The following CLK1 variants were observed in gnomAD, a reference collection of about 807,000 sequenced individuals.
The protein encoded by CLK1 is dual specificity protein kinase CLK1.
In CLK1, 40 loss-of-function variants were observed where a neutral mutation model predicts 60.9. The observed-to-expected ratio is 0.66, with a 90% CI of 0.51 to 0.86. The LOEUF (loss-of-function observed/expected upper bound fraction) is 0.86, where lower values mean the gene tolerates loss of function less well. Ranked by LOEUF, CLK1 falls within the 40% of genes least tolerant of loss-of-function variation. CLK1 has a pLI of 0.00. For missense variants in CLK1, 563 were observed against 606.1 expected, an observed-to-expected ratio of 0.93 and a Z score of 0.75; for synonymous variants, 203 against 184.4, an observed-to-expected ratio of 1.10 and a Z score of -0.82.
intron 10 of CLK1, 123 bp from the exon 11 acceptor site, chr2:200,854,818 G>A: frequency 2.4e-6 from 2 of 818,622 alleles, no homozygotes; most frequent in African/African-American, 1.7e-5. Context: ...TCCCTACATG[G>A]ACACGGATAA....
chr2:200,857,097 G>C (rs938069951), intron 7 of CLK1, 112 bp from the exon 8 acceptor site: 14 of 802,228 alleles, frequency 1.7e-5, no homozygotes, highest in Admixed American at 6.6e-5. Context: ...CCTGAGGTCA[G>C]GAGTTCGAGA....
Position 200,860,029 on chromosome 2 carries a change from GAGAA to G in CLK1, c.481+92_481+95del, listed in dbSNP as rs2039110357. 7.3e-5 allele frequency: 109 copies of G among 1,499,496 alleles called. 2 individuals are homozygous for G. The South Asian group carries it at 1.4e-3, about 19-fold the overall frequency. 92.9% of individuals were successfully genotyped at this position (1,499,496 alleles called of 1,614,324 possible). On this transcript the variant is annotated intron_variant, in intron 4 of 12. Coordinates refer to ENST00000321356, the MANE Select transcript of CLK1 (RefSeq NM_004071.4). Reference sequence around the variant, plus strand: ...GGAAAAATAAAACAAAAACAAAAAAGAGAAAGAAAAAAAGATTTCCAAATCCCTG... The same window carrying G: ...GGAAAAATAAAACAAAAACAAAAAAGAGAAAAAAAGATTTCCAAATCCCTG...
At position 200,858,098 on chromosome 2, in the gene CLK1, A is replaced by G; in HGVS notation, c.549-9T>C. 6.5e-7 allele frequency: 1 copy of G among 1,541,440 alleles called. No individual in the cohort carries two copies. Among genetic ancestry groups the G allele is most frequent in the Non-Finnish European group, 9.0e-7 (1 of 1,113,786 alleles). On this transcript the variant is annotated splice_polypyrimidine_tract_variant and intron_variant, in intron 5 of 12. Coordinates refer to ENST00000321356, the MANE Select transcript of CLK1 (RefSeq NM_004071.4). ...CTACATGTCTACCTCCCCTGTTAGA[A>G]AGATGCATGCAAATTTAAGAATGAC...
intron 5 of CLK1, 34 bp from the exon 6 acceptor site, chr2:200,858,123 C>CCT: frequency 1.3e-5 from 17 of 1,312,390 alleles, no homozygotes; most frequent in Non-Finnish European, 1.9e-5. Context: ...TTAAGAATGA[C>CCT]AGACATGATG....
intron 7 of CLK1, chr2:200,857,469 A>C (rs1214924347): frequency 1.4e-5 from 5 of 350,566 alleles, no homozygotes; most frequent in Non-Finnish European, 2.6e-5. Flanking sequence ...ATTCGAAGTT[A>C]CTATTTTTGC....
chr2:200,864,454 G>A, intron 1 of CLK1, 110 bp downstream of exon 1: 1 of 531,380 alleles, frequency 1.9e-6, no homozygotes, highest in Non-Finnish European at 3.1e-6. Flanking sequence ...GGCAGTCGTC[G>A]CGCCGGGGAC....
At chr2:200,858,732 C>T (rs2039084012) in intron 5 of CLK1, among the ~76,000 whole-genome samples, 1 of 151,546 alleles carries the variant, frequency 6.6e-6, no homozygotes, top group East Asian at 1.9e-4. Flanking sequence ...AGAGCTCTAG[C>T]TCTCATGTCC....
At chr2:200,864,157 A>G (rs1442328452) in intron 1 of CLK1, 1 of 1,551,198 alleles carries the variant, frequency 6.4e-7, no homozygotes, top group Non-Finnish European at 8.7e-7. Flanking sequence ...AACCCCAGCA[A>G]ATCCCCCCTC....
chr2:200,861,075 T>C (rs1047858441), intron 3 of CLK1, 163 bp downstream of exon 3: 89 of 1,423,448 alleles, frequency 6.3e-5, no homozygotes, highest in Non-Finnish European at 7.9e-5. Context: ...GTACTTTATT[T>C]CCGGAATTTC....
chr2:200,860,166 CCCT>C lies in CLK1; in HGVS notation c.437_439del (p.Glu146del). On this transcript the variant is annotated inframe_deletion, in exon 4 of 13. Transcript: ENST00000321356. ...GTCTCCACTCTGACAGATCAGGTGA[CCCT>C]CCTCATCATCCTCTACACTCCTGGT... The C allele has an allele frequency of 1.9e-6, 3 of 1,614,066 alleles. No individual in the cohort carries two copies. The highest frequency in any genetic ancestry group is 3.3e-5 in the Admixed American group (2 of 60,008).
In CLK1 at chr2:200,856,921, AG is replaced by A. The variant is rs1559326780; in HGVS notation, c.896del (p.Ser299LeufsTer11). On this transcript the variant is annotated frameshift_variant, in exon 8 of 13. Transcript: ENST00000321356. LOFTEE classifies it high-confidence loss of function. ...LKPENILFVQSDYTEAYNPKI... is the reference protein window; with the variant it reads ...LKPENILFVQXDYTEAYNPKI... ...TGGGATTATACGCCTCTGTGTAGTC[AG>A]ACTGCACAAATAAGATGTTTTCAGG... is the stretch of plus-strand genomic sequence containing the variant. The A allele has an allele frequency of 6.2e-7, 1 of 1,614,028 alleles. No individual in the cohort carries two copies. Among genetic ancestry groups the A allele is most frequent in the African/African-American group, 1.3e-5 (1 of 75,066 alleles).
In CLK1 at chr2:200,861,890, T is replaced by C. The variant is rs781214623; in HGVS notation, c.1-28A>G. 4.4e-6 allele frequency: 7 copies of C among 1,606,396 alleles called. No homozygotes were observed. The African/African-American group carries it at 8.0e-5, about 18-fold the overall frequency. On this transcript the variant is annotated intron_variant, in intron 1 of 12. Transcript: ENST00000321356. ...ACATAAAAGGCAAGTTTTTCCTAGT[T>C]AAATTGTACCCCACACTGAGCTGTT... is the stretch of plus-strand genomic sequence containing the variant.
intron 2 of CLK1, 107 bp downstream of exon 2, chr2:200,861,595 C>T: frequency 1.3e-6 from 2 of 1,558,498 alleles, no homozygotes; most frequent in Non-Finnish European, 1.7e-6. Flanking sequence ...ATCAAAATCT[C>T]TCATTGGAAA....
At position 200,856,668 on chromosome 2, in the gene CLK1, CAATT is replaced by C. The variant is rs1442615557; in HGVS notation, c.1057+10_1057+13del. 1.9e-6 allele frequency: 3 copies of C among 1,559,104 alleles called. No homozygotes were observed. Among genetic ancestry groups the C allele is most frequent in the Non-Finnish European group, 2.6e-6 (3 of 1,155,888 alleles). ...AGGAAATACAAAGGTTCTCAAAGGA[CAATT>C]AATACTCACCTAAAATAACTTCAGG... is the stretch of plus-strand genomic sequence containing the variant. On this transcript the variant is annotated intron_variant, in intron 9 of 12. Coordinates refer to ENST00000321356, the MANE Select transcript of CLK1 (RefSeq NM_004071.4).
chr2:200,854,955 G>A, intron 10 of CLK1, 49 bp downstream of exon 10: 1 of 1,386,534 alleles, frequency 7.2e-7, no homozygotes, highest in South Asian at 1.2e-5. Context: ...CATATAAACA[G>A]GCACCTTTCT....
rs2105734610 is a variant in CLK1, at chr2:200,855,099, G to A, written c.1058-13C>T. ...GACCACCCTAGGGCTGCAAAGCAAAGCAAAATTTAAGGAAAAAAAATACTC... is the reference window on the plus strand; with the variant it reads ...GACCACCCTAGGGCTGCAAAGCAAAACAAAATTTAAGGAAAAAAAATACTC... On this transcript the variant is annotated splice_polypyrimidine_tract_variant and intron_variant, in intron 9 of 12. Transcript: ENST00000321356. 6.4e-7 allele frequency: 1 copy of A among 1,573,500 alleles called. No individual in the cohort carries two copies. The highest frequency in any genetic ancestry group is 1.2e-5 in the South Asian group (1 of 84,300).
chr2:200,857,276 A>G (rs2039059192), intron 7 of CLK1: 1 of 342,632 alleles, frequency 2.9e-6, no homozygotes, highest in East Asian at 5.3e-5. Context: ...ACTGCACTTC[A>G]GCCTGAACAA....
chr2:200,860,527 T>C lies in CLK1; in HGVS notation c.391-312A>G, dbSNP rs376578210. The stretch of plus-strand genomic sequence containing the variant: ...AAAAATGCTTAGTTGTAGCATTCAC[T>C]GAAACATAATTTTTTAGTTTCTAGT... On this transcript the variant is annotated intron_variant, in intron 3 of 12. Coordinates refer to ENST00000321356, the MANE Select transcript of CLK1 (RefSeq NM_004071.4). The C allele has an allele frequency of 7.7e-5, 83 of 1,075,598 alleles. No individual in the cohort carries two copies. In the African/African-American group the frequency reaches 1.2e-3, roughly 16 times the overall value. 66.6% of individuals were successfully genotyped at this position (1,075,598 alleles called of 1,614,324 possible).
At chr2:200,857,693 T>C (rs1427043391) in intron 7 of CLK1, 25 bp downstream of exon 7, 1 of 1,547,108 alleles carries the variant, frequency 6.5e-7, no homozygotes, top group African/African-American at 1.4e-5. Context: ...ACCAGCAAAT[T>C]AACGAAGATA....
Sources: allele counts gnomAD v4.1 joint callset (sites outside exome capture counted in the v4.1 genomes callset), GRCh38; gene constraint gnomAD v4.1.1; transcripts MANE v1.5; gene names NCBI Gene and HGNC (gene_info 2026-07-23, HGNC 2026-07-21).